Variants in ADAM22 observed in about 807,000 individuals in gnomAD.
ADAM22 encodes the protein ADAM metallopeptidase domain 22.
In ADAM22, 65 loss-of-function variants were observed where a neutral mutation model predicts 144.6. The ratio of observed to expected loss-of-function variants is 0.45; its 90% CI spans 0.37 to 0.55. ADAM22 has a LOEUF of 0.55. Ranked by LOEUF, ADAM22 falls within the 20% of genes least tolerant of loss-of-function variation. The pLI is 0.00. For synonymous variants in ADAM22, 391 were observed against 412.6 expected (o/e 0.95, Z 0.63); for missense variants, 974 against 1,184.9 (o/e 0.82, Z 2.61).
chr7:87,961,710 C>G (rs1487734368), intron 2 of ADAM22, among the ~76,000 whole-genome samples: 1 of 152,166 alleles, frequency 6.6e-6, no homozygotes, highest in Non-Finnish European at 1.5e-5. Flanking sequence ...GAGCAGCACA[C>G]TTCCAAGCTG....
At chr7:88,013,072 C>A (rs1446678643) in intron 3 of ADAM22, among the ~76,000 whole-genome samples, 5 of 152,318 alleles carry the variant, frequency 3.3e-5, no homozygotes, top group African/African-American at 7.2e-5. Flanking sequence ...CCCCCTAAGA[C>A]TGGAATCCCC....
At chr7:87,991,660 C>G (rs1455221407) in intron 3 of ADAM22, among the ~76,000 whole-genome samples, 2 of 152,190 alleles carry the variant, frequency 1.3e-5, no homozygotes, top group African/African-American at 4.8e-5. Context: ...GCCACCGCGC[C>G]CGGCACTAGC....
intron 4 of ADAM22, among the ~76,000 whole-genome samples, chr7:88,100,256 G>GT (rs1310241479): frequency 6.6e-6 from 1 of 152,074 alleles, no homozygotes; most frequent in East Asian, 1.9e-4. Context: ...ACAAATGACA[G>GT]TTTTTCAAAA....
At chr7:88,156,162 A>G (rs1044987104) in intron 22 of ADAM22, among the ~76,000 whole-genome samples, 156 bp downstream of exon 22, 3 of 152,188 alleles carry the variant, frequency 2.0e-5, no homozygotes, top group African/African-American at 7.2e-5. Context: ...GAGAAGAGAT[A>G]AAAAGAAGAT....
intron 2 of ADAM22, among the ~76,000 whole-genome samples, chr7:87,975,360 T>G (rs901090774): frequency 4.6e-5 from 7 of 152,234 alleles, no homozygotes; most frequent in Non-Finnish European, 8.8e-5. Flanking sequence ...ATCAGTTTTC[T>G]TCACTACTTT....
chr7:88,143,204 T>G, intron 15 of ADAM22, 79 bp downstream of exon 15: 1 of 1,050,096 alleles, frequency 9.5e-7, no homozygotes, highest in African/African-American at 1.6e-5. Flanking sequence ...TTTTCAGCTA[T>G]TGAATCTTAG....
intron 8 of ADAM22, among the ~76,000 whole-genome samples, chr7:88,128,139 G>A (rs1461755140): frequency 6.6e-6 from 1 of 152,124 alleles, no homozygotes; most frequent in African/African-American, 2.4e-5. Flanking sequence ...CCCTCTCGGA[G>A]ATCCTCAGAG....
intron 10 of ADAM22, 96 bp from the exon 11 acceptor site, chr7:88,131,171 CAA>C (rs1427593851): frequency 2.2e-5 from 22 of 1,022,008 alleles, no homozygotes; most frequent in African/African-American, 3.3e-5. Flanking sequence ...AACTAAAACT[CAA>C]AGAAGTTTCC....
chr7:88,165,952 T>C lies in ADAM22; in HGVS notation c.2191+6T>C, dbSNP rs1303979077. ...TATCACTCTGTCTGGCAATGGTAAG[T>C]ACTTAATTTGGTAACATTATGTAGT... On this transcript the variant is annotated splice_donor_region_variant and intron_variant, in intron 24 of 31. Transcript: ENST00000413139. 7 of 1,599,024 alleles carry C rather than the reference T, an allele frequency of 4.4e-6. No individual in the cohort carries two copies. Among genetic ancestry groups the C allele is most frequent in the Non-Finnish European group, 5.1e-6 (6 of 1,172,074 alleles).
intron 3 of ADAM22, among the ~76,000 whole-genome samples, chr7:88,013,888 G>T (rs111972154): frequency 1.3e-5 from 2 of 152,184 alleles, no homozygotes; most frequent in Non-Finnish European, 2.9e-5. Context: ...CCCAAATGAC[G>T]TGAATTATAG....
chr7:88,078,107 T>A (rs562250792), intron 4 of ADAM22, among the ~76,000 whole-genome samples: 54 of 152,176 alleles, frequency 3.5e-4, no homozygotes, highest in Non-Finnish European at 6.9e-4. Flanking sequence ...AGGGTCAGAC[T>A]GATGGACTGA....
intron 26 of ADAM22, among the ~76,000 whole-genome samples, chr7:88,173,331 G>A (rs1378572810): frequency 1.3e-5 from 2 of 151,964 alleles, no homozygotes; most frequent in Non-Finnish European, 2.9e-5. Flanking sequence ...TATTTTGAGA[G>A]TTGTCACATC....
intron 3 of ADAM22, among the ~76,000 whole-genome samples, chr7:88,050,621 A>AT (rs1294716960): frequency 6.6e-6 from 1 of 152,060 alleles, no homozygotes; most frequent in Non-Finnish European, 1.5e-5. Flanking sequence ...GATGATGAGC[A>AT]TTTTTTCATG....
chr7:87,981,610 A>G (rs569891052), intron 3 of ADAM22, among the ~76,000 whole-genome samples: 1 of 152,262 alleles, frequency 6.6e-6, no homozygotes, highest in Admixed American at 6.5e-5. Flanking sequence ...AATTCTGTTT[A>G]AAAGAGAACA....
chr7:88,014,313 C>T (rs181425788), intron 3 of ADAM22, among the ~76,000 whole-genome samples: 27 of 152,278 alleles, frequency 1.8e-4, no homozygotes, highest in African/African-American at 6.0e-4. Flanking sequence ...ATAATGGGCC[C>T]GATGCTGCTT....
At chr7:88,192,816 A>G (rs752813238) in intron 30 of ADAM22, among the ~76,000 whole-genome samples, 3 of 152,196 alleles carry the variant, frequency 2.0e-5, no homozygotes, top group Non-Finnish European at 4.4e-5. Flanking sequence ...GAATAATTTC[A>G]TCCCTTCTGC....
At chr7:87,971,688 C>G (rs1009312766) in intron 2 of ADAM22, among the ~76,000 whole-genome samples, 1 of 152,156 alleles carries the variant, frequency 6.6e-6, no homozygotes, top group Admixed American at 6.5e-5. Context: ...GTACCTTAGC[C>G]TGTGTCCCCC....
intron 3 of ADAM22, among the ~76,000 whole-genome samples, chr7:88,072,432 A>G (rs1356926807): frequency 1.3e-5 from 2 of 152,314 alleles, no homozygotes; most frequent in East Asian, 1.9e-4. Context: ...CACCACAGCT[A>G]GTATTCCTCT....
chr7:88,073,480 G>A (rs191673202), intron 3 of ADAM22, among the ~76,000 whole-genome samples: 8 of 152,296 alleles, frequency 5.3e-5, no homozygotes, highest in Non-Finnish European at 1.0e-4. Context: ...CCTGATGTCA[G>A]ATGGGAAGAT....
Sources: allele counts gnomAD v4.1 joint callset (sites outside exome capture counted in the v4.1 genomes callset), GRCh38; gene constraint gnomAD v4.1.1; transcripts MANE v1.5; gene names NCBI Gene and HGNC (gene_info 2026-07-23, HGNC 2026-07-21).